KDM2B: variants seen among roughly 807,000 people sequenced by gnomAD.
KDM2B encodes the protein lysine-specific demethylase 2B.
KDM2B carries 26 observed loss-of-function variants against 150.0 expected under a neutral mutation model. The observed-to-expected ratio is 0.17, with a 90% confidence interval of 0.13 to 0.24. The LOEUF (loss-of-function observed/expected upper bound fraction) is 0.24. Among genes scored for constraint, KDM2B ranks in the 10% least tolerant of loss-of-function variants. KDM2B has a pLI of 1.00. For missense variants in KDM2B, 1,265 were observed against 1,816.9 expected, an observed-to-expected ratio of 0.70 and a Z score of 5.52; for synonymous variants, 734 against 729.5, an observed-to-expected ratio of 1.01 and a Z score of -0.10.
chr12:121,428,928 G>A (rs1872655283), downstream of KDM2B, among the ~76,000 whole-genome samples: 1 of 152,142 alleles, frequency 6.6e-6, no homozygotes, highest in East Asian at 1.9e-4. Flanking sequence ...GACAGATGAT[G>A]AGCAGCTCTT....
intron 1 of KDM2B, among the ~76,000 whole-genome samples, chr12:121,579,267 G>C (rs1891752148): frequency 6.6e-6 from 1 of 152,188 alleles, no homozygotes; most frequent in Admixed American, 6.5e-5. Flanking sequence ...CGGGAGCCTG[G>C]TTATGTAACC....
chr12:121,434,500 CAAA>C (rs1166374523), intron 22 of KDM2B, among the ~76,000 whole-genome samples: 5 of 62,284 alleles, frequency 8.0e-5, no homozygotes, highest in South Asian at 5.0e-4. Context: ...GACTCTCTAT[CAAA>C]AAAAAAAAAA....
chr12:121,423,347 T>C, the KDM2B span: 2 of 1,521,906 alleles, frequency 1.3e-6, no homozygotes, highest in Non-Finnish European at 8.9e-7. This position sits in a 1 kb window ranked among gnomAD's most constrained non-coding sequence, Gnocchi z 4.3. Context: ...TGACTGGCCA[T>C]GCCTGAAGCC....
intron 13 of KDM2B, 86 bp from the exon 14 acceptor site, chr12:121,445,504 T>C: frequency 7.2e-7 from 1 of 1,395,318 alleles, no homozygotes; most frequent in Non-Finnish European, 9.6e-7. Context: ...AATGAGCTGC[T>C]CCCCTTGGGC....
chr12:121,542,275 C>T (rs1566397297), intron 6 of KDM2B, among the ~76,000 whole-genome samples: 1 of 152,202 alleles, frequency 6.6e-6, no homozygotes, highest in Non-Finnish European at 1.5e-5. Flanking sequence ...GCGGATCTTC[C>T]AGCCCATAGA....
chr12:121,495,765 C>A (rs1883870084), intron 11 of KDM2B, among the ~76,000 whole-genome samples: 1 of 152,178 alleles, frequency 6.6e-6, no homozygotes, highest in Non-Finnish European at 1.5e-5. Flanking sequence ...TACATGTACC[C>A]TAACCCTGCT....
intron 11 of KDM2B, among the ~76,000 whole-genome samples, chr12:121,495,961 T>C (rs1031361931): frequency 6.6e-6 from 1 of 151,890 alleles, no homozygotes; most frequent in Admixed American, 6.6e-5. Context: ...GGTGAGCAGT[T>C]TGAAGGTTCT....
chr12:121,522,579 G>T (rs1886786974), intron 8 of KDM2B, among the ~76,000 whole-genome samples: 1 of 151,842 alleles, frequency 6.6e-6, no homozygotes, highest in South Asian at 2.1e-4. Flanking sequence ...CAGGCACGGT[G>T]GCTCATGCCT....
intron 12 of KDM2B, among the ~76,000 whole-genome samples, chr12:121,479,991 T>C (rs540360776): frequency 6.6e-6 from 1 of 152,128 alleles, no homozygotes; most frequent in South Asian, 2.1e-4. Flanking sequence ...TGATCTTAGC[T>C]TAATGCAGCC....
intron 12 of KDM2B, among the ~76,000 whole-genome samples, chr12:121,476,359 A>G (rs1881376925): frequency 1.3e-5 from 2 of 151,950 alleles, no homozygotes; most frequent in South Asian, 2.1e-4. Flanking sequence ...GGGAGGCTGA[A>G]GTGGGAGTAC....
chr12:121,422,029 C>T, the KDM2B span, among the ~76,000 whole-genome samples: 2 of 152,336 alleles, frequency 1.3e-5, no homozygotes, highest in Admixed American at 1.3e-4. Flanking sequence ...AGGTCGTAGG[C>T]TGCTGGCTGG....
chr12:121,525,970 T>A (rs1005259408), intron 8 of KDM2B, among the ~76,000 whole-genome samples: 1 of 152,196 alleles, frequency 6.6e-6, no homozygotes, highest in South Asian at 2.1e-4. Flanking sequence ...CCTGGCTGGA[T>A]AAGCTGCTCT....
rs1488560826 is a variant in KDM2B, at chr12:121,555,907, GTTTT to G, written c.398-6273_398-6270del. Among the ~76,000 whole-genome samples the G allele has an allele frequency of 5.3e-5, 8 of 151,720 alleles. No homozygotes were observed. The South Asian group carries it at 1.0e-3, about 20-fold the overall frequency. On this transcript the variant is annotated intron_variant, in intron 4 of 22. Coordinates refer to ENST00000377071, the MANE Select transcript of KDM2B (RefSeq NM_032590.5). ...ATTAGTTCCCATGAGACTGAATTGG[GTTTT>G]TGTTTTGTTTTTTTTGTTTTTTGTT...
At chr12:121,563,887 A>G (rs904321225) in intron 4 of KDM2B, among the ~76,000 whole-genome samples, 3 of 151,774 alleles carry the variant, frequency 2.0e-5, no homozygotes, top group Non-Finnish European at 4.4e-5. Flanking sequence ...ACAGAGTGAG[A>G]CTCTGTCTCA....
chr12:121,549,216 G>T lies in KDM2B; in HGVS notation c.577-233C>A, dbSNP rs1208385385. Among the ~76,000 whole-genome samples the T allele has an allele frequency of 1.3e-5, 2 of 152,110 alleles. No individual in the cohort carries two copies. The highest frequency in any genetic ancestry group is 1.3e-4 in the Admixed American group (2 of 15,256). On this transcript the variant is annotated intron_variant, in intron 5 of 22. Coordinates refer to ENST00000377071, the MANE Select transcript of KDM2B (RefSeq NM_032590.5). This position sits in a 1 kb window ranked among gnomAD's most constrained non-coding sequence, Gnocchi z 4.4. ...ACGGTAGCTTATACCTCTAATCTAA[G>T]TGCTTTGGGAGGCTAAGGTGAGAGG...
chr12:121,546,943 C>T (rs1555310797), intron 6 of KDM2B, among the ~76,000 whole-genome samples: 1 of 151,954 alleles, frequency 6.6e-6, no homozygotes, highest in African/African-American at 2.4e-5. Context: ...TGATCTGCCC[C>T]CTCTTGGCCT....
chr12:121,440,632 C>T (rs981449853), intron 21 of KDM2B, 184 bp downstream of exon 21: 8 of 599,208 alleles, frequency 1.3e-5, no homozygotes, highest in Non-Finnish European at 1.5e-5. Flanking sequence ...GCGAGTCTCA[C>T]GTGTGCACAG....
At chr12:121,524,511 TCC>T (rs1371796843) in intron 8 of KDM2B, among the ~76,000 whole-genome samples, 1 of 152,050 alleles carries the variant, frequency 6.6e-6, no homozygotes, top group African/African-American at 2.4e-5. Context: ...TTTTACCCAC[TCC>T]CCTTCGCAGC....
Position 121,581,001 on chromosome 12 carries a change from A to G in KDM2B, c.-90T>C. ...CTAACTTTTAAACTCCCGGCACTCA[A>G]AGATGTGGACACACACACGTACAGG... On this transcript the variant is annotated 5_prime_UTR_variant, in exon 1 of 23. Coordinates refer to ENST00000377071, the MANE Select transcript of KDM2B (RefSeq NM_032590.5). The G allele has an allele frequency of 6.6e-7, 1 of 1,522,230 alleles. No individual in the cohort carries two copies. Among genetic ancestry groups the G allele is most frequent in the South Asian group, 1.3e-5 (1 of 78,312 alleles). 94.3% of individuals were successfully genotyped at this position (1,522,230 alleles called of 1,614,324 possible).
Sources: gnomAD v4.1 joint callset for allele counts (sites outside exome capture counted in the v4.1 genomes callset) on GRCh38, gnomAD v4.1.1 for gene constraint, Gnocchi (gnomAD v3.1) non-coding constraint, MANE v1.5 for transcripts, NCBI Gene and HGNC (gene_info 2026-07-23, HGNC 2026-07-21) for gene names.